The following DCTN2 variants were observed in gnomAD, a reference collection of about 807,000 sequenced individuals.
DCTN2 encodes the protein 50 kDa dynein-associated polypeptide.
A neutral mutation model predicts 55.4 loss-of-function variants in DCTN2; 18 were observed. That is an observed-to-expected ratio of 0.32 (90% CI 0.22 to 0.48). DCTN2 has a LOEUF of 0.48. Among genes scored for constraint, DCTN2 ranks in the 20% least tolerant of loss-of-function variants. The pLI is 0.99. For missense variants in DCTN2, 390 were observed against 491.0 expected (o/e 0.79, Z 1.94); for synonymous variants, 168 against 185.2 (o/e 0.91, Z 0.76).
At chr12:57,531,719 A>G (rs946045677) in intron 13 of DCTN2, among the ~76,000 whole-genome samples, 2 of 152,172 alleles carry the variant, frequency 1.3e-5, no homozygotes, top group African/African-American at 4.8e-5. Context: ...GACAAAGGGA[A>G]AGAGTGGGGT....
chr12:57,535,371 C>CGGAA, intron 4 of DCTN2, 113 bp downstream of exon 4: 1 of 1,392,568 alleles, frequency 7.2e-7, no homozygotes, highest in Non-Finnish European at 1.0e-6. Flanking sequence ...GCTGCTTCCT[C>CGGAA]AGGAACAGAG....
chr12:57,545,080 A>T (rs1376193710), intron 2 of DCTN2, among the ~76,000 whole-genome samples: 1 of 152,210 alleles, frequency 6.6e-6, no homozygotes, highest in East Asian at 1.9e-4. Flanking sequence ...CCCCAGAATT[A>T]ACCAGCCCCA....
chr12:57,537,459 C>A (rs1434360640), intron 2 of DCTN2, among the ~76,000 whole-genome samples: 1 of 150,894 alleles, frequency 6.6e-6, no homozygotes, highest in African/African-American at 2.4e-5. Context: ...TAACCTACAG[C>A]CAGGACTGAG....
At chr12:57,546,149 C>T in intron 1 of DCTN2, 53 bp from the exon 2 acceptor site, 1 of 1,516,796 alleles carries the variant, frequency 6.6e-7, no homozygotes, top group Admixed American at 1.7e-5. Context: ...TCCAACAACA[C>T]CCCTTCCCCC....
At chr12:57,536,200 C>T (rs1225047924) in intron 2 of DCTN2, 2 of 245,536 alleles carry the variant, frequency 8.1e-6, no homozygotes, top group African/African-American at 4.5e-5. Flanking sequence ...CTCTTTTAAC[C>T]TCCCCCTCCC....
rs751364177 is a variant in DCTN2 at position 57,534,070 on chromosome 12, T to G, written c.552A>C (p.Thr184=). The G allele has an allele frequency of 1.2e-6, 2 of 1,608,030 alleles. No individual in the cohort carries two copies. The highest frequency in any genetic ancestry group is 2.2e-5 in the South Asian group (2 of 90,142). The change falls in exon 7 of 14, where the codon ACA becomes ACC. Residue 184 remains threonine, a synonymous_variant. Transcript: ENST00000548249. The part of the protein sequence containing the change: ...AKRLLLQLEA[T]KNSKGGSGGK... ...CCCCTGATCCCCCTTTGCTGTTCTTTGTTGCTTCCAGCTGCAGTAGTAGGC... is the reference window on the plus strand; with the variant it reads ...CCCCTGATCCCCCTTTGCTGTTCTTGGTTGCTTCCAGCTGCAGTAGTAGGC...
At position 57,534,095 on chromosome 12, in the gene DCTN2, C is replaced by T. The variant is rs756105321; in HGVS notation, c.527G>A (p.Arg176His). ...TGTTGCTTCCAGCTGCAGTAGTAGG[C>T]GCCTAGTTAGGAGACCGAGTAATAA... ...LTDPDGALAKRLLLQLEATKN... is the reference protein window; with the variant it reads ...LTDPDGALAKHLLLQLEATKN... Residue 176 changes from arginine (R) to histidine (H), a missense_variant and splice_region_variant, in exon 7 of 14, where the codon CGC (arginine) becomes CAC (histidine). By Grantham distance (29) the Arg-to-His change is conservative. Transcript: ENST00000548249. The T allele has an allele frequency of 4.4e-6, 7 of 1,595,024 alleles. No individual in the cohort carries two copies. The highest frequency in any genetic ancestry group is 6.0e-6 in the Non-Finnish European group (7 of 1,170,852).
chr12:57,539,478 A>G (rs1880518072), intron 2 of DCTN2, among the ~76,000 whole-genome samples: 3 of 152,212 alleles, frequency 2.0e-5, no homozygotes. Flanking sequence ...AAGAGGCCTT[A>G]TTTGAGTCTG....
rs549340175 is a variant in DCTN2 at position 57,534,038 on chromosome 12, G to A, written c.584C>T (p.Thr195Ile). 100 of 1,613,512 alleles carry A rather than the reference G, an allele frequency of 6.2e-5. 1 individual carries two copies. In the South Asian group the frequency reaches 1.0e-3, roughly 16 times the overall value. Residue 195 changes from threonine to isoleucine, a missense_variant, in exon 7 of 14, where the codon ACC becomes ATC. By Grantham distance (89) the Thr-to-Ile change is moderately conservative. Coordinates refer to ENST00000548249, the MANE Select transcript of DCTN2 (RefSeq NM_001261413.2). ...GCTGCTATCTGGGGGGGTCCCAGTG[G>A]TTTTTCCCCCTGATCCCCCTTTGCT... Reference protein sequence around the residue: ...KNSKGGSGGKTTGTPPDSSLV... With the variant: ...KNSKGGSGGKITGTPPDSSLV...
intron 8 of DCTN2, 52 bp from the exon 9 acceptor site, chr12:57,533,074 T>C: frequency 1.9e-6 from 3 of 1,567,030 alleles, no homozygotes; most frequent in South Asian, 1.2e-5. Flanking sequence ...TCCATGATTA[T>C]CGTCTTCTCC....
At chr12:57,533,922 G>A in intron 7 of DCTN2, 31 bp downstream of exon 7, 1 of 1,565,608 alleles carries the variant, frequency 6.4e-7, no homozygotes, top group Non-Finnish European at 8.7e-7. Context: ...TCTCCCCTTG[G>A]CTTCCCAACC....
chr12:57,532,479 G>A lies in DCTN2; in HGVS notation c.924+93C>T, dbSNP rs935857612. 1.3e-4 allele frequency: 187 copies of A among 1,424,518 alleles called. No individual in the cohort carries two copies. In the African/African-American group the frequency reaches 1.8e-3, roughly 14 times the overall value. 88.2% of individuals were successfully genotyped at this position (1,424,518 alleles called of 1,614,324 possible). On this transcript the variant is annotated intron_variant, in intron 11 of 13. Transcript: ENST00000548249. ...TCTTCATAAGAGCTTATGAAGATGG[G>A]GACCTGAGGAGTCAGTGTGTTCTCA...
intron 2 of DCTN2, among the ~76,000 whole-genome samples, chr12:57,545,049 T>C (rs1026390027): frequency 6.6e-6 from 1 of 152,128 alleles, no homozygotes; most frequent in Non-Finnish European, 1.5e-5. Flanking sequence ...AGCCACACAT[T>C]GTAAGCCAGC....
At chr12:57,535,317 C>G in intron 4 of DCTN2, 163 bp from the exon 5 acceptor site, 1 of 1,043,280 alleles carries the variant, frequency 9.6e-7, no homozygotes, top group South Asian at 1.5e-5. Context: ...TGGAGGCTCT[C>G]CAGAACAAAC....
chr12:57,543,226 A>T (rs1594894107), intron 2 of DCTN2: 1 of 361,480 alleles, frequency 2.8e-6, no homozygotes, highest in East Asian at 7.3e-5. Context: ...GTGGGCGCCT[A>T]CAGTCTCAGC....
intron 2 of DCTN2, 35 bp from the exon 3 acceptor site, chr12:57,535,880 T>A: frequency 2.0e-6 from 3 of 1,514,828 alleles, no homozygotes; most frequent in Non-Finnish European, 1.8e-6. Context: ...AGGGACACAC[T>A]CATTCCCACT....
rs1350862269 is a variant in DCTN2, at chr12:57,535,080, C to T, written c.339G>A (p.Leu113=). 1.2e-5 allele frequency: 19 copies of T among 1,613,634 alleles called. No individual in the cohort carries two copies. The highest frequency in any genetic ancestry group is 1.4e-5 in the Non-Finnish European group (17 of 1,179,858). ...CCTTGATTTTTTCAACTTCAGTTGT[C>T]AGCTCTTGGACCTCATGCAGTAGGC... ...YQRLLHEVQE[L]TTEVEKIKTT... is the part of the protein sequence containing the mutation. The change falls in exon 5 of 14, where the codon CTG becomes CTA. Residue 113 remains leucine, a synonymous_variant. Transcript: ENST00000548249.
intron 2 of DCTN2, among the ~76,000 whole-genome samples, chr12:57,545,623 T>C (rs1435215156): frequency 6.6e-6 from 1 of 152,250 alleles, no homozygotes; most frequent in Non-Finnish European, 1.5e-5. Context: ...TGGATATTCA[T>C]ATGGAAAAAG....
At chr12:57,536,326 A>G (rs1880230104) in intron 2 of DCTN2, among the ~76,000 whole-genome samples, 1 of 152,252 alleles carries the variant, frequency 6.6e-6, no homozygotes, top group Admixed American at 6.5e-5. Flanking sequence ...TGTGAATATT[A>G]GGACTTTAAA....
Sources: gnomAD v4.1 joint callset for allele counts (sites outside exome capture counted in the v4.1 genomes callset) on GRCh38, gnomAD v4.1.1 for gene constraint, MANE v1.5 for transcripts, NCBI Gene and HGNC (gene_info 2026-07-23, HGNC 2026-07-21) for gene names.